ILDR2: variants seen among roughly 807,000 people sequenced by gnomAD.
ILDR2 encodes immunoglobulin like domain containing receptor 2, also known as immunoglobulin-like domain-containing receptor 2.
In ILDR2, 25 loss-of-function variants were observed where a neutral mutation model predicts 66.8. The ratio of observed to expected loss-of-function variants is 0.37; its 90% CI spans 0.27 to 0.52. The LOEUF is 0.52. Ranked by LOEUF, ILDR2 falls within the 20% of genes least tolerant of loss-of-function variation. The pLI is 0.88. For missense variants in ILDR2, 827 were observed against 876.8 expected (o/e 0.94, Z 0.72); for synonymous variants, 367 against 357.2 (o/e 1.03, Z -0.31).
At chr1:166,958,660 T>C (rs747112692) in intron 1 of ILDR2, among the ~76,000 whole-genome samples, 1 of 152,214 alleles carries the variant, frequency 6.6e-6, no homozygotes, top group Non-Finnish European at 1.5e-5. Context: ...TCACTCCCTA[T>C]ATCCAGTCAC....
At chr1:166,934,907 C>T (rs1660852262) in intron 6 of ILDR2, among the ~76,000 whole-genome samples, 1 of 152,178 alleles carries the variant, frequency 6.6e-6, no homozygotes, top group African/African-American at 2.4e-5. Flanking sequence ...AATAAAGGTC[C>T]GTTCTCTCCC....
chr1:166,957,618 G>A (rs979016337), intron 2 of ILDR2, 151 bp downstream of exon 2: 1 of 662,254 alleles, frequency 1.5e-6, no homozygotes, highest in South Asian at 2.1e-5. Flanking sequence ...GGCAATGATA[G>A]GTCTCTTGAT....
chr1:166,972,950 CCTT>C, intron 1 of ILDR2, among the ~76,000 whole-genome samples: 1 of 152,338 alleles, frequency 6.6e-6, no homozygotes, highest in South Asian at 2.1e-4. Flanking sequence ...TTCATCTCCT[CCTT>C]GTCTGCTTCT....
In ILDR2 at chr1:166,920,812, G is replaced by A. The variant is rs1659876748; in HGVS notation, c.1779C>T (p.Pro593=). ...QEDASDDALP[P]YSELELTRGP... is the part of the protein sequence containing the mutation. ...CGCGGGTCAGCTCCAGCTCGCTGTA[G>A]GGCGGCAGCGCGTCGTCGGACGCGT... The change falls in exon 9 of 10, where the codon CCC becomes CCT. Residue 593 remains proline (P), a synonymous_variant. Coordinates refer to ENST00000271417, the MANE Select transcript of ILDR2 (RefSeq NM_199351.3). 12 of 1,528,720 alleles carry A rather than the reference G, an allele frequency of 7.8e-6. No individual in the cohort carries two copies. Among genetic ancestry groups the A allele is most frequent in the Non-Finnish European group, 9.6e-6 (11 of 1,140,818 alleles). The allele number at this position is 1,528,720 out of a possible 1,614,324, so 94.7% of individuals were successfully genotyped here.
intron 9 of ILDR2, among the ~76,000 whole-genome samples, chr1:166,920,065 A>T (rs1206942399): frequency 6.6e-6 from 1 of 152,212 alleles, no homozygotes; most frequent in African/African-American, 2.4e-5. Flanking sequence ...TGGCATTTTG[A>T]AAATAATGAA....
chr1:166,934,489 G>T (rs1397190317), intron 6 of ILDR2, among the ~76,000 whole-genome samples: 1 of 152,120 alleles, frequency 6.6e-6, no homozygotes, highest in Non-Finnish European at 1.5e-5. Flanking sequence ...CTTAGCTCAT[G>T]GTCTCTGGCT....
At chr1:166,956,176 GT>G (rs1320517705) in intron 3 of ILDR2, among the ~76,000 whole-genome samples, 1 of 152,166 alleles carries the variant, frequency 6.6e-6, no homozygotes, top group Non-Finnish European at 1.5e-5. Flanking sequence ...ACACTTTCAG[GT>G]TTCAAGATAT....
At chr1:166,973,616 C>CA (rs1024012751) in intron 1 of ILDR2, among the ~76,000 whole-genome samples, 1 of 108,036 alleles carries the variant, frequency 9.3e-6, no homozygotes, top group Middle Eastern at 3.4e-3. Context: ...GACCCCTCCC[C>CA]CCCCCCCCCG....
At position 166,956,610 on chromosome 1, in the gene ILDR2, A is replaced by G. The variant is rs1662297758; in HGVS notation, c.499+123T>C. 25 of 1,008,828 alleles carry G rather than the reference A, an allele frequency of 2.5e-5. No individual in the cohort carries two copies. In the South Asian group the frequency reaches 2.6e-4, roughly 10 times the overall value. 62.5% of individuals were successfully genotyped at this position (1,008,828 alleles called of 1,614,324 possible). A position where few individuals can be genotyped will look rare whatever the true frequency, so the allele number is the denominator to read the frequency against. On this transcript the variant is annotated intron_variant, in intron 3 of 9. Transcript: ENST00000271417. ...GAGCATATTCTAAAAGGGAGTGTGC[A>G]TGAAAGATAAGACTGTGTATGCAAC...
Position 166,914,234 on chromosome 1 carries a change from A to G in ILDR2, c.*5121T>C, listed in dbSNP as rs1333117333. 6.6e-6 allele frequency: 1 copy of G among 152,246 alleles called. No individual in the cohort carries two copies. The allele number at this position is 152,246 out of a possible 1,614,324, so 9.4% of individuals were successfully genotyped here. On this transcript the variant is annotated 3_prime_UTR_variant, in exon 10 of 10. Transcript: ENST00000271417. ...CTTAGTTGGATGAAGCAGCAACAGT[A>G]TCTGTCTTCATGGCTTCGCCACATC...
At chr1:166,935,872 C>T (rs1660944710) in intron 5 of ILDR2, among the ~76,000 whole-genome samples, 1 of 152,180 alleles carries the variant, frequency 6.6e-6, no homozygotes, top group African/African-American at 2.4e-5. Flanking sequence ...GATCCTGAAC[C>T]TTCTCTTGAG....
At chr1:166,953,598 C>A (rs942694149) in intron 3 of ILDR2, among the ~76,000 whole-genome samples, 2 of 152,196 alleles carry the variant, frequency 1.3e-5, no homozygotes, top group African/African-American at 4.8e-5. Flanking sequence ...GTCCTCTTAG[C>A]CCTGACCTAC....
In ILDR2 at chr1:166,921,938, G is replaced by A. The variant is rs565449700; in HGVS notation, c.1212-559C>T. ...GTGAAGGTGCTATTTAGGGGGAATA[G>A]CAAATCTTAGCCTCCCACAATTGTT... is the stretch of plus-strand genomic sequence containing the variant. On this transcript the variant is annotated intron_variant, in intron 8 of 9. Transcript: ENST00000271417. This position sits in a 1 kb window ranked among gnomAD's most constrained non-coding sequence, Gnocchi z 5.3. 2.0e-5 allele frequency among the ~76,000 whole-genome samples: 3 copies of A among 152,312 alleles called. No homozygotes were observed. Among genetic ancestry groups the A allele is most frequent in the Non-Finnish European group, 4.4e-5 (3 of 68,022 alleles).
At chr1:166,897,409 G>C (rs926982049) in intron 2 of ILDR2, among the ~76,000 whole-genome samples, 2 of 152,144 alleles carry the variant, frequency 1.3e-5, no homozygotes, top group Non-Finnish European at 2.9e-5. Context: ...CTTATGCTGG[G>C]CTTCCTGGAC....
chr1:166,942,589 A>G (rs1478264874), intron 3 of ILDR2, among the ~76,000 whole-genome samples: 3 of 152,248 alleles, frequency 2.0e-5, no homozygotes, highest in Non-Finnish European at 2.9e-5. Context: ...GAGCCCAGAA[A>G]TCATGAGTTT....
Position 166,921,781 on chromosome 1 carries a change from C to T in ILDR2, c.1212-402G>A, listed in dbSNP as rs1045860864. ...GGAGTCCCTGTAATGTGTGGTGACA[C>T]ACAGAGAGGCCTTTTCTTCCCTCAG... On this transcript the variant is annotated intron_variant, in intron 8 of 9. Coordinates refer to ENST00000271417, the MANE Select transcript of ILDR2 (RefSeq NM_199351.3). This position sits in a 1 kb window ranked among gnomAD's most constrained non-coding sequence, Gnocchi z 5.3. 2.0e-5 allele frequency among the ~76,000 whole-genome samples: 3 copies of T among 152,278 alleles called. No individual in the cohort carries two copies. The highest frequency in any genetic ancestry group is 7.2e-5 in the African/African-American group (3 of 41,552).
rs1200407104 is a variant in ILDR2, at chr1:166,921,456, C to T, written c.1212-77G>A. 3.9e-6 allele frequency: 5 copies of T among 1,283,324 alleles called. No individual in the cohort carries two copies. The African/African-American group carries it at 4.5e-5, about 11-fold the overall frequency. The allele number at this position is 1,283,324 out of a possible 1,614,324, so 79.5% of individuals were successfully genotyped here. Reference sequence around the variant, plus strand: ...AGGTAGGGCTCCCAAGAGCACCCATCGTGTCCTGGGGCCACGCTCAGGAGA... The same window carrying T: ...AGGTAGGGCTCCCAAGAGCACCCATTGTGTCCTGGGGCCACGCTCAGGAGA... On this transcript the variant is annotated intron_variant, in intron 8 of 9. Transcript: ENST00000271417. The surrounding 1 kb of genome is among the most constrained non-coding windows in gnomAD (Gnocchi z 5.3).
downstream of ILDR2, among the ~76,000 whole-genome samples, chr1:166,905,460 A>G (rs996178421): frequency 6.6e-5 from 10 of 152,218 alleles, no homozygotes; most frequent in Admixed American, 1.3e-4. Context: ...CTTTTAGACT[A>G]AATGAAACTG....
rs1318878426 is a variant in ILDR2 at position 166,918,034 on chromosome 1, G to A, written c.*1321C>T. On this transcript the variant is annotated 3_prime_UTR_variant, in exon 10 of 10. Coordinates refer to ENST00000271417, the MANE Select transcript of ILDR2 (RefSeq NM_199351.3). ...CACATAGCCAACTCCAGATTCAAGG[G>A]GTTGGAAAAAAGATGGCACCTCTTG... 1.3e-5 allele frequency: 2 copies of A among 152,102 alleles called. No homozygotes were observed. Among genetic ancestry groups the A allele is most frequent in the Non-Finnish European group, 1.5e-5 (1 of 68,010 alleles). The allele number at this position is 152,102 out of a possible 1,614,324, so 9.4% of individuals were successfully genotyped here. A position where few individuals can be genotyped will look rare whatever the true frequency, so the allele number is the denominator to read the frequency against.
Sources: gnomAD v4.1 joint callset for allele counts (sites outside exome capture counted in the v4.1 genomes callset) on GRCh38, gnomAD v4.1.1 for gene constraint, Gnocchi (gnomAD v3.1) non-coding constraint, MANE v1.5 for transcripts, NCBI Gene and HGNC (gene_info 2026-07-23, HGNC 2026-07-21) for gene names.